ARL15: variants seen among roughly 807,000 people sequenced by gnomAD.
The protein encoded by ARL15 is ADP-ribosylation factor-like protein 15.
A neutral mutation model predicts 25.2 loss-of-function variants in ARL15; 19 were observed. That is an observed-to-expected ratio of 0.75 (90% CI 0.53 to 1.10). ARL15 has a LOEUF of 1.10. Among genes scored for constraint, ARL15 ranks in the 50% least tolerant of loss-of-function variants. ARL15 has a pLI of 0.00. For synonymous variants in ARL15, 94 were observed against 86.8 expected, an observed-to-expected ratio of 1.08 and a Z score of -0.46; for missense variants, 220 against 246.0, an observed-to-expected ratio of 0.89 and a Z score of 0.71.
chr5:54,285,124 T>A (rs1246804083), intron 1 of ARL15, among the ~76,000 whole-genome samples: 2 of 152,196 alleles, frequency 1.3e-5, no homozygotes, highest in Non-Finnish European at 2.9e-5. Context: ...TCTACAGTAA[T>A]ATTCATAAAT....
intron 4 of ARL15, among the ~76,000 whole-genome samples, chr5:54,089,417 G>A (rs1401966816): frequency 6.6e-6 from 1 of 151,918 alleles, no homozygotes; most frequent in Non-Finnish European, 1.5e-5. Context: ...CTATTAATAG[G>A]AAAAAAATCA....
chr5:54,113,027 G>A (rs1207751933), intron 4 of ARL15, 175 bp downstream of exon 4: 7 of 622,992 alleles, frequency 1.1e-5, no homozygotes, highest in African/African-American at 9.2e-5. Context: ...GGTTAGGTAT[G>A]TAAACAAGTG....
chr5:54,153,236 C>G (rs1372514946), intron 3 of ARL15, among the ~76,000 whole-genome samples: 3 of 151,988 alleles, frequency 2.0e-5, no homozygotes, highest in South Asian at 4.1e-4. Context: ...TTTTATAAAC[C>G]ATGCATCTGG....
At chr5:54,158,639 C>T (rs1014269711) in intron 2 of ARL15, among the ~76,000 whole-genome samples, 7 of 152,192 alleles carry the variant, frequency 4.6e-5, no homozygotes, top group Non-Finnish European at 7.3e-5. Flanking sequence ...CTTTGGGAGG[C>T]CGAGGCGGGT....
chr5:54,034,397 A>C (rs1340037415), intron 4 of ARL15, among the ~76,000 whole-genome samples: 1 of 152,192 alleles, frequency 6.6e-6, no homozygotes, highest in East Asian at 1.9e-4. Flanking sequence ...CTTCAACCAC[A>C]TGAATCTTGA....
intron 1 of ARL15, among the ~76,000 whole-genome samples, chr5:54,255,503 T>A (rs1757340382): frequency 1.3e-5 from 2 of 152,174 alleles, no homozygotes; most frequent in African/African-American, 4.8e-5. Context: ...AATTATAACA[T>A]CTAGAGTTGA....
At chr5:53,926,949 T>G (rs537865800) in intron 4 of ARL15, among the ~76,000 whole-genome samples, 2 of 136,134 alleles carry the variant, frequency 1.5e-5, no homozygotes, top group African/African-American at 5.2e-5. Flanking sequence ...CCTTTTTTTT[T>G]AAAAAAAAAA....
intron 4 of ARL15, among the ~76,000 whole-genome samples, chr5:53,960,243 A>G (rs1042002132): frequency 6.6e-6 from 1 of 152,254 alleles, no homozygotes; most frequent in Non-Finnish European, 1.5e-5. Flanking sequence ...TAGAAGAGAT[A>G]AACATTTCCT....
At chr5:53,954,845 T>G (rs147432405) in intron 4 of ARL15, among the ~76,000 whole-genome samples, 2 of 152,084 alleles carry the variant, frequency 1.3e-5, no homozygotes, top group Admixed American at 1.3e-4. Flanking sequence ...AACTATTTTA[T>G]GGAAAGAGCA....
chr5:53,994,671 C>T (rs1038521291), intron 4 of ARL15, among the ~76,000 whole-genome samples: 4 of 152,116 alleles, frequency 2.6e-5, no homozygotes, highest in Non-Finnish European at 5.9e-5. Flanking sequence ...TTGCTGAGAC[C>T]ACCAACAGTG....
At position 53,886,544 on chromosome 5, in the gene ARL15, G is replaced by A; in HGVS notation, c.*17C>T. 1 of 1,551,220 alleles carries A rather than the reference G, an allele frequency of 6.4e-7. No homozygotes were observed. The highest frequency in any genetic ancestry group is 8.7e-7 in the Non-Finnish European group (1 of 1,148,122). On this transcript the variant is annotated 3_prime_UTR_variant, in exon 5 of 5. Coordinates refer to ENST00000504924, the MANE Select transcript of ARL15 (RefSeq NM_019087.3). ...TAGGTTCAAGGCCTTTTGGGAGCCT[G>A]TTTTCTTTGCCAGATTTCACATTCT...
chr5:54,310,098 C>T (rs1160868334), intron 1 of ARL15, among the ~76,000 whole-genome samples: 1 of 152,242 alleles, frequency 6.6e-6, no homozygotes, highest in African/African-American at 2.4e-5. Context: ...AAAGAAAGTC[C>T]TCTGCGGAGA....
At chr5:54,055,570 A>G (rs1429609574) in intron 4 of ARL15, among the ~76,000 whole-genome samples, 2 of 152,064 alleles carry the variant, frequency 1.3e-5, no homozygotes, top group African/African-American at 4.8e-5. Flanking sequence ...CATGTTGGCT[A>G]GGCTGGTCTC....
chr5:53,973,574 CA>C (rs34108460), intron 4 of ARL15, among the ~76,000 whole-genome samples: 4,060 of 87,088 alleles, frequency 0.047, 60 homozygotes, highest in Non-Finnish European at 0.062. Flanking sequence ...AACTTCATCT[CA>C]AAAAAAAAAA....
chr5:54,028,087 AT>A lies in ARL15; in HGVS notation c.462+85114del, dbSNP rs1389065294. Among the ~76,000 whole-genome samples, 7 of 151,750 alleles carry A rather than the reference AT, an allele frequency of 4.6e-5. No individual in the cohort carries two copies. The East Asian group carries it at 1.2e-3, about 25-fold the overall frequency. On this transcript the variant is annotated intron_variant, in intron 4 of 4. Transcript: ENST00000504924. Reference sequence around the variant, plus strand: ...AGGCACCCGCCACCACGCCCGGCTAATTTTTTTGTATTTTTAGTAAAGACGG... The same window carrying A: ...AGGCACCCGCCACCACGCCCGGCTAATTTTTTGTATTTTTAGTAAAGACGG...
chr5:54,073,614 G>C (rs903109834), intron 4 of ARL15, among the ~76,000 whole-genome samples: 1 of 152,192 alleles, frequency 6.6e-6, no homozygotes, highest in African/African-American at 2.4e-5. Flanking sequence ...TAGTCTAGTG[G>C]TGTCTCCTTA....
rs192703203 is a variant in ARL15, at chr5:54,255,592, T to C, written c.48+54840A>G. Among the ~76,000 whole-genome samples the C allele has an allele frequency of 3.6e-3, 553 of 152,308 alleles. 3 individuals carry two copies. The highest frequency in any genetic ancestry group is 0.013 in the African/African-American group (536 of 41,558). ...TAAATAACAGGTTGAGCACACCTAA[T>C]GGGAAAATCCAAAATCTGAAACGCT... On this transcript the variant is annotated intron_variant, in intron 1 of 4. Coordinates refer to ENST00000504924, the MANE Select transcript of ARL15 (RefSeq NM_019087.3).
intron 3 of ARL15, among the ~76,000 whole-genome samples, chr5:54,117,433 T>C (rs1752939575): frequency 7.3e-6 from 1 of 137,922 alleles, no homozygotes; most frequent in African/African-American, 2.5e-5. Flanking sequence ...ACCATAACTT[T>C]AAAAAATGTC....
At chr5:54,121,884 G>A (rs1006240565) in intron 3 of ARL15, among the ~76,000 whole-genome samples, 6 of 152,120 alleles carry the variant, frequency 3.9e-5, no homozygotes, top group Non-Finnish European at 5.9e-5. Context: ...CACACAGTAC[G>A]TAGAATATGC....
Sources: gnomAD v4.1 joint callset for allele counts (sites outside exome capture counted in the v4.1 genomes callset) on GRCh38, gnomAD v4.1.1 for gene constraint, MANE v1.5 for transcripts, NCBI Gene and HGNC (gene_info 2026-07-23, HGNC 2026-07-21) for gene names.